MROH7: variants seen among roughly 807,000 people sequenced by gnomAD.
MROH7 encodes maestro heat like repeat family member 7, also known as maestro heat-like repeat-containing protein family member 7.
In MROH7, 113 loss-of-function variants were observed where a neutral mutation model predicts 129.2. That is an observed-to-expected ratio of 0.87 (90% CI 0.75 to 1.02). The LOEUF is 1.02. MROH7 is among the 50% of genes least tolerant of loss of function. MROH7 has a pLI of 0.00. For synonymous variants in MROH7, 655 were observed against 667.9 expected (o/e 0.98, Z 0.30); for missense variants, 1,601 against 1,671.3 (o/e 0.96, Z 0.73).
In MROH7 at chr1:54,666,112, G is replaced by A. The variant is rs547627038; in HGVS notation, c.1305+872G>A. Among the ~76,000 whole-genome samples the A allele has an allele frequency of 2.6e-4, 40 of 152,338 alleles. 1 individual carries two copies. The South Asian group carries it at 7.9e-3, about 30-fold the overall frequency. ...AAAATGGGCACAACAAAGCTGAAGT[G>A]AGGCCCATGCCAGATGATATGCACA... is the stretch of plus-strand genomic sequence containing the variant. On this transcript the variant is annotated intron_variant, in intron 4 of 23. Transcript: ENST00000421030.
rs184040839 is a variant in MROH7 at position 54,662,250 on chromosome 1, G to A, written c.1232-2917G>A. Among the ~76,000 whole-genome samples the A allele has an allele frequency of 1.3e-3, 202 of 150,936 alleles. 1 individual carries two copies. Among genetic ancestry groups the A allele is most frequent in the African/African-American group, 4.8e-3 (197 of 41,120 alleles). ...AAAACAAAACAAAACTTAGAGAAAAGTTGAGCTGGGTGTGGTGGCTCATGC... is the reference window on the plus strand; with the variant it reads ...AAAACAAAACAAAACTTAGAGAAAAATTGAGCTGGGTGTGGTGGCTCATGC... On this transcript the variant is annotated intron_variant, in intron 3 of 23. Transcript: ENST00000421030.
chr1:54,689,821 G>A (rs558026681), intron 15 of MROH7, among the ~76,000 whole-genome samples: 2 of 152,264 alleles, frequency 1.3e-5, no homozygotes, highest in East Asian at 3.9e-4. Context: ...ACCAGCCTAG[G>A]CAACATGGCG....
At position 54,701,999 on chromosome 1, in the gene MROH7, G is replaced by C. The variant is rs1367707107; in HGVS notation, c.3286-91G>C. ...AAGAGTCGGGAGAGTTCCAGACCTA[G>C]GCTTGAGTGAGAGGAACAATGGCTC... On this transcript the variant is annotated intron_variant, in intron 19 of 23. Transcript: ENST00000421030. 4.2e-6 allele frequency: 5 copies of C among 1,193,954 alleles called. No homozygotes were observed. In the African/African-American group the frequency reaches 6.3e-5, roughly 15 times the overall value. 74.0% of individuals were successfully genotyped at this position (1,193,954 alleles called of 1,614,324 possible). A position where few individuals can be genotyped will look rare whatever the true frequency, so the allele number is the denominator to read the frequency against.
chr1:54,675,818 C>CA (rs199723567), intron 10 of MROH7, among the ~76,000 whole-genome samples: 13 of 149,990 alleles, frequency 8.7e-5, no homozygotes, highest in East Asian at 2.0e-4. Context: ...ACCAAAAATA[C>CA]AAAAAAAATA....
At chr1:54,649,141 A>G (rs955986912) in intron 1 of MROH7, among the ~76,000 whole-genome samples, 3 of 152,250 alleles carry the variant, frequency 2.0e-5, no homozygotes, top group Non-Finnish European at 2.9e-5. Flanking sequence ...TGTGTTCTCA[A>G]TGATGAACTG....
intron 3 of MROH7, among the ~76,000 whole-genome samples, chr1:54,662,562 G>A (rs929358010): frequency 3.3e-5 from 5 of 150,638 alleles, no homozygotes; most frequent in Admixed American, 6.6e-5. Flanking sequence ...AGTTGAAAAC[G>A]TACTATAAAT....
rs771885366 is a variant in MROH7 at position 54,653,921 on chromosome 1, G to A, written c.995G>A (p.Gly332Asp). The A allele has an allele frequency of 6.2e-7, 1 of 1,614,096 alleles. No homozygotes were observed. The highest frequency in any genetic ancestry group is 8.5e-7 in the Non-Finnish European group (1 of 1,180,016). ...CCCTCATGCATGACTCTAATCCTGG[G>A]TTCCAATGAGACTCTGAGCCTGGAC... Reference protein sequence around the residue: ...SPPSCMTLILGSNETLSLDSS... With the variant: ...SPPSCMTLILDSNETLSLDSS... Residue 332 changes from glycine to aspartate, a missense_variant, in exon 3 of 24, where the codon GGT becomes GAT. Gly to Asp is a moderately conservative substitution (Grantham distance 94). Coordinates refer to ENST00000421030, the MANE Select transcript of MROH7 (RefSeq NM_001039464.4).
At chr1:54,685,508 A>G (rs1248346761) in intron 14 of MROH7, among the ~76,000 whole-genome samples, 1 of 151,396 alleles carries the variant, frequency 6.6e-6, no homozygotes, top group African/African-American at 2.4e-5. Flanking sequence ...GAGTCTTGTG[A>G]CACCAGCCCA....
chr1:54,648,277 A>G (rs1219883306), intron 1 of MROH7, among the ~76,000 whole-genome samples: 1 of 152,094 alleles, frequency 6.6e-6, no homozygotes, highest in East Asian at 1.9e-4. Context: ...TGGACTTGCA[A>G]TTCTATCCCA....
chr1:54,668,998 C>T (rs1342099352), intron 5 of MROH7, 61 bp downstream of exon 5: 2 of 1,301,536 alleles, frequency 1.5e-6, no homozygotes, highest in Non-Finnish European at 2.2e-6. Flanking sequence ...TTCCTGAGTC[C>T]ACCCACTGAT....
At chr1:54,701,536 G>A (rs1645436156) in intron 19 of MROH7, among the ~76,000 whole-genome samples, 1 of 152,070 alleles carries the variant, frequency 6.6e-6, no homozygotes, top group Non-Finnish European at 1.5e-5. Flanking sequence ...TTTCACAATC[G>A]AGTCTCCCCA....
At position 54,708,599 on chromosome 1, in the gene MROH7, C is replaced by T. The variant is rs1401062840; in HGVS notation, c.3668-415C>T. 1.3e-4 allele frequency among the ~76,000 whole-genome samples: 20 copies of T among 152,166 alleles called. No individual in the cohort carries two copies. In the East Asian group the frequency reaches 3.5e-3, roughly 26 times the overall value. ...TTGACCCAGCATAGTTGAGTCTCAG[C>T]CCTCTAGGGCCCTGCTATAGCCTTG... On this transcript the variant is annotated intron_variant, in intron 22 of 23. Coordinates refer to ENST00000421030, the MANE Select transcript of MROH7 (RefSeq NM_001039464.4).
At position 54,679,787 on chromosome 1, in the gene MROH7, T is replaced by C. The variant is rs1645039872; in HGVS notation, c.2227-104T>C. On this transcript the variant is annotated intron_variant, in intron 12 of 23. Transcript: ENST00000421030. ...TCTCTCTCCTTTGGGCCTTCTCCCC[T>C]GTCCTCTAGCCTGTCACCCCCTTCC... is the stretch of plus-strand genomic sequence containing the variant. The C allele has an allele frequency of 9.5e-6, 11 of 1,153,850 alleles. No individual in the cohort carries two copies. The Admixed American group carries it at 2.0e-4, about 21-fold the overall frequency. The allele number at this position is 1,153,850 out of a possible 1,614,324, so 71.5% of individuals were successfully genotyped here.
chr1:54,664,498 G>T (rs951560369), intron 3 of MROH7, among the ~76,000 whole-genome samples: 9 of 152,310 alleles, frequency 5.9e-5, no homozygotes, highest in Non-Finnish European at 1.3e-4. Context: ...CCGTGCAAAG[G>T]CCCTGAGGGG....
rs774845897 is a variant in MROH7 at position 54,670,937 on chromosome 1, G to A, written c.1599+8G>A. 98 of 1,593,444 alleles carry A rather than the reference G, an allele frequency of 6.2e-5. No homozygotes were observed. The highest frequency in any genetic ancestry group is 1.5e-4 in the South Asian group (13 of 87,844). On this transcript the variant is annotated splice_region_variant and intron_variant, in intron 7 of 23. Coordinates refer to ENST00000421030, the MANE Select transcript of MROH7 (RefSeq NM_001039464.4). ...AAGGCTGAGACCATCCAGGTGAGGC[G>A]GGACCTTCCCAGCAGGGCCTCAGGG...
Position 54,674,079 on chromosome 1 carries a change from C to A in MROH7, c.1864C>A (p.Pro622Thr). The change falls in exon 10 of 24, where the codon CCT becomes ACT. Residue 622 changes from proline to threonine, a missense_variant. Physicochemically the swap from Pro to Thr is conservative, Grantham distance 38 (BLOSUM62 -1). Transcript: ENST00000421030. ...LGRLILHIGD[P>T]DEEIGCEALD... ...GAGACTCATCCTTCACATTGGGGAT[C>A]CTGATGAGGAGATTGGCTGTGAGGC... is the stretch of plus-strand genomic sequence containing the variant. The A allele has an allele frequency of 2.5e-6, 4 of 1,614,004 alleles. No homozygotes were observed. Among genetic ancestry groups the A allele is most frequent in the Non-Finnish European group, 3.4e-6 (4 of 1,179,932 alleles).
rs143626932 is a variant in MROH7, at chr1:54,709,461, G to T, written c.3730+385G>T. Among the ~76,000 whole-genome samples the T allele has an allele frequency of 4.2e-3, 643 of 151,952 alleles. 3 individuals are homozygous for T. Among genetic ancestry groups the T allele is most frequent in the African/African-American group, 0.014 (579 of 41,416 alleles). ...TCGAACTCCTGACCTCAAGTGATCC[G>T]CCCGCTTCTGCCTCCCAAAGTGCTG... On this transcript the variant is annotated intron_variant, in intron 23 of 23. Transcript: ENST00000421030.
At chr1:54,657,301 C>T (rs1644664932) in intron 3 of MROH7, among the ~76,000 whole-genome samples, 1 of 151,820 alleles carries the variant, frequency 6.6e-6, no homozygotes, top group South Asian at 2.1e-4. Context: ...TCCACTGCCT[C>T]AGCCTCCCAA....
At position 54,679,989 on chromosome 1, in the gene MROH7, C is replaced by T; in HGVS notation, c.2325C>T (p.Ser775=). 1 of 1,614,082 alleles carries T rather than the reference C, an allele frequency of 6.2e-7. No individual in the cohort carries two copies. The highest frequency in any genetic ancestry group is 8.5e-7 in the Non-Finnish European group (1 of 1,179,988). ...VALLPVSLLA[S]SFMTEVVVAL... is the part of the protein sequence containing the mutation. ...TGCTGCCCGTCTCCCTCCTGGCTAG[C>T]TCCTTCATGACCGAGGTTGTGGTGG... Residue 775 remains serine (S), a synonymous_variant, in exon 13 of 24, where the codon AGC becomes AGT. Coordinates refer to ENST00000421030, the MANE Select transcript of MROH7 (RefSeq NM_001039464.4).
Sources: allele counts gnomAD v4.1 joint callset (sites outside exome capture counted in the v4.1 genomes callset), GRCh38; gene constraint gnomAD v4.1.1; transcripts MANE v1.5; gene names NCBI Gene and HGNC (gene_info 2026-07-23, HGNC 2026-07-21).